MIS18BP1: variants seen among roughly 807,000 people sequenced by gnomAD.
MIS18BP1 encodes the protein mis18-binding protein 1.
Under a neutral mutation model 116.1 loss-of-function variants are expected in MIS18BP1, and 72 were observed. That is an observed-to-expected ratio of 0.62 (90% CI 0.51 to 0.75). MIS18BP1 has a LOEUF of 0.75. Ranked by LOEUF, MIS18BP1 falls within the 30% of genes least tolerant of loss-of-function variation. MIS18BP1 has a pLI of 0.00. For synonymous variants in MIS18BP1, 386 were observed against 427.0 expected (o/e 0.90, Z 1.18); for missense variants, 1,363 against 1,303.2 (o/e 1.05, Z -0.71).
At position 45,206,085 on chromosome 14, in the gene MIS18BP1, A is replaced by AT. The variant is rs949583975; in HGVS notation, c.3237dup (p.Leu1080IlefsTer3). ...ATTGGATAAAGAAAAATACTTACTA[A>AT]TTTTTTCTTGATGTTGCCCCAGACA... On this transcript the variant is annotated frameshift_variant, in exon 15 of 17. Transcript: ENST00000310806. LOFTEE classifies it high-confidence loss of function. 1.3e-6 allele frequency: 2 copies of AT among 1,582,918 alleles called. No individual in the cohort carries two copies. The highest frequency in any genetic ancestry group is 3.4e-5 in the Admixed American group (2 of 58,658).
intron 8 of MIS18BP1, among the ~76,000 whole-genome samples, chr14:45,229,503 C>CAAAAAA (rs756276073): frequency 8.9e-6 from 1 of 111,818 alleles, no homozygotes. Flanking sequence ...GACCCTGTCT[C>CAAAAAA]AAAAAAAAAA....
chr14:45,240,604 C>T (rs1305305600), intron 4 of MIS18BP1, among the ~76,000 whole-genome samples: 2 of 151,958 alleles, frequency 1.3e-5, no homozygotes, highest in East Asian at 3.9e-4. Flanking sequence ...AAATGTCTTG[C>T]TATATAAGGG....
intron 11 of MIS18BP1, among the ~76,000 whole-genome samples, chr14:45,218,793 C>G (rs1404172217): frequency 6.6e-6 from 1 of 151,598 alleles, no homozygotes. Context: ...TTTGGCATGA[C>G]CAAATTTTCT....
chr14:45,251,341 G>A (rs1397590806), intron 1 of MIS18BP1, among the ~76,000 whole-genome samples: 2 of 152,022 alleles, frequency 1.3e-5, no homozygotes, highest in Admixed American at 1.3e-4. Flanking sequence ...TTGGCACAAT[G>A]ACAAAAATTA....
chr14:45,242,372 CAA>C lies in MIS18BP1; in HGVS notation c.803_804del (p.Phe268CysfsTer6). On this transcript the variant is annotated frameshift_variant, in exon 4 of 17. Transcript: ENST00000310806. LOFTEE classifies it high-confidence loss of function. ...TCAGCAGAATCAACGCTTTCTAAAA[CAA>C]ACGTGTCCTTTTTGGATTTAGTGGT... is the stretch of plus-strand genomic sequence containing the variant. ...VATTKSKKDTFVLESVDSADE... is the reference protein window; with the variant it reads ...VATTKSKKDTXVLESVDSADE... 1.2e-6 allele frequency: 2 copies of C among 1,614,050 alleles called. No individual in the cohort carries two copies. The highest frequency in any genetic ancestry group is 1.7e-6 in the Non-Finnish European group (2 of 1,179,970).
At chr14:45,211,736 T>C (rs940738189) in intron 13 of MIS18BP1, among the ~76,000 whole-genome samples, 2 of 152,198 alleles carry the variant, frequency 1.3e-5, no homozygotes, top group African/African-American at 4.8e-5. Context: ...TTCTGTTGGA[T>C]AGGGCCATGG....
Position 45,209,445 on chromosome 14 carries a change from A to C in MIS18BP1, c.3152+935T>G, listed in dbSNP as rs180701076. ...GGGACTCAAGCAATCCTTCTACATCAGCCTCCCTAGTAGCTAGGGCCACAG... is the reference window on the plus strand; with the variant it reads ...GGGACTCAAGCAATCCTTCTACATCCGCCTCCCTAGTAGCTAGGGCCACAG... On this transcript the variant is annotated intron_variant, in intron 14 of 16. Transcript: ENST00000310806. 2.9e-3 allele frequency among the ~76,000 whole-genome samples: 434 copies of C among 152,058 alleles called. 5 individuals carry two copies. Among genetic ancestry groups the C allele is most frequent in the Admixed American group, 0.021 (315 of 15,272 alleles).
chr14:45,229,933 CTT>C (rs34547351), intron 8 of MIS18BP1, among the ~76,000 whole-genome samples: 1 of 152,298 alleles, frequency 6.6e-6, no homozygotes, highest in African/African-American at 2.4e-5. Context: ...TGGTAAGTGA[CTT>C]TTTGCTAGCT....
In MIS18BP1 at chr14:45,227,670, G is replaced by C. The variant is rs778474485; in HGVS notation, c.1739C>G (p.Ser580Cys). ...TGTACAATAAAGCCTTACCTGATTAGATAAGTCATCTCCTCCTCCATTTTG... is the reference window on the plus strand; with the variant it reads ...TGTACAATAAAGCCTTACCTGATTACATAAGTCATCTCCTCCTCCATTTTG... ...TIQNGGGDDL[S>C]NQELIGKKEY... The change falls in exon 9 of 17, where the codon TCT becomes TGT. Residue 580 changes from serine to cysteine, a missense_variant. Physicochemically the swap from Ser to Cys is moderately radical, Grantham distance 112 (BLOSUM62 -1). Transcript: ENST00000310806. 5.6e-6 allele frequency: 9 copies of C among 1,612,058 alleles called. No individual in the cohort carries two copies. In the African/African-American group the frequency reaches 1.1e-4, roughly 19 times the overall value.
intron 11 of MIS18BP1, among the ~76,000 whole-genome samples, chr14:45,223,446 G>A (rs183743487): frequency 0.011 from 1,682 of 152,204 alleles, 101 homozygotes; most frequent in Admixed American, 0.1. Flanking sequence ...GCGTGGCAGC[G>A]TGCGCCTGTA....
At chr14:45,237,810 G>C in intron 4 of MIS18BP1, 89 bp from the exon 5 acceptor site, 3 of 1,471,352 alleles carry the variant, frequency 2.0e-6, no homozygotes, top group Non-Finnish European at 2.7e-6. Flanking sequence ...GAAAAAACTT[G>C]TCTAAGTAAT....
intron 2 of MIS18BP1, among the ~76,000 whole-genome samples, chr14:45,245,072 GCTGT>G (rs112191206): frequency 0.011 from 1,626 of 152,234 alleles, 31 homozygotes; most frequent in African/African-American, 0.027. Flanking sequence ...CTCAAAAAGA[GCTGT>G]CTATGTTCAC....
Position 45,210,231 on chromosome 14 carries a change from T to C in MIS18BP1, c.3152+149A>G, listed in dbSNP as rs953477897. The C allele has an allele frequency of 8.0e-6, 6 of 753,506 alleles. No individual in the cohort carries two copies. The African/African-American group carries it at 8.9e-5, about 11-fold the overall frequency. The allele number at this position is 753,506 out of a possible 1,614,324, so 46.7% of individuals were successfully genotyped here. On this transcript the variant is annotated intron_variant, in intron 14 of 16. Transcript: ENST00000310806. Reference sequence around the variant, plus strand: ...ATAGCACCCCGATTTGATGAACTTGTCCATCCTTAACTTCTAGAAACTACA... The same window carrying C: ...ATAGCACCCCGATTTGATGAACTTGCCCATCCTTAACTTCTAGAAACTACA...
chr14:45,220,089 C>A (rs1340506017), intron 11 of MIS18BP1, among the ~76,000 whole-genome samples: 1 of 145,892 alleles, frequency 6.9e-6, no homozygotes, highest in Admixed American at 6.7e-5. Context: ...TTCTAGCTTT[C>A]TTTATTTACC....
intron 14 of MIS18BP1, among the ~76,000 whole-genome samples, chr14:45,207,905 C>T (rs976983641): frequency 3.3e-5 from 5 of 152,108 alleles, no homozygotes; most frequent in African/African-American, 9.7e-5. Flanking sequence ...GTGAATCTAT[C>T]GTGTTTCTTT....
At chr14:45,248,259 G>T (rs1264891529) in intron 1 of MIS18BP1, among the ~76,000 whole-genome samples, 1 of 151,732 alleles carries the variant, frequency 6.6e-6, no homozygotes, top group East Asian at 1.9e-4. Flanking sequence ...TAGAGACAGG[G>T]TTTCTCCATG....
intron 7 of MIS18BP1, among the ~76,000 whole-genome samples, chr14:45,232,267 A>T (rs1891300560): frequency 6.6e-6 from 1 of 151,894 alleles, no homozygotes; most frequent in Non-Finnish European, 1.5e-5. Context: ...ATACAAAAAA[A>T]TTAGCCAGGT....
intron 14 of MIS18BP1, among the ~76,000 whole-genome samples, chr14:45,207,205 T>C (rs1451383481): frequency 6.6e-6 from 1 of 152,146 alleles, no homozygotes; most frequent in Non-Finnish European, 1.5e-5. Flanking sequence ...ATTTCCATAC[T>C]CTCTCTTGGC....
Position 45,224,318 on chromosome 14 carries a change from G to A in MIS18BP1, c.2269C>T (p.Gln757Ter), listed in dbSNP as rs1891060923. Reference protein sequence around the residue: ...LLPKLKKIENQVAMSFYKHQS... With the variant: ...LLPKLKKIEN Reference sequence around the variant, plus strand: ...TGCTTATAAAATGACATAGCTACCTGATTTTCTATTTTCTTCAATTTTGGT... The same window carrying A: ...TGCTTATAAAATGACATAGCTACCTAATTTTCTATTTTCTTCAATTTTGGT... Residue 757 changes from glutamine (Q) to a stop codon, truncating the protein, a stop_gained, in exon 11 of 17, where the codon CAG becomes TAG. Coordinates refer to ENST00000310806, the MANE Select transcript of MIS18BP1 (RefSeq NM_018353.5). LOFTEE classifies it high-confidence loss of function. 1.2e-6 allele frequency: 2 copies of A among 1,613,810 alleles called. No homozygotes were observed. Among genetic ancestry groups the A allele is most frequent in the Non-Finnish European group, 1.7e-6 (2 of 1,179,940 alleles).
Sources: gnomAD v4.1 joint callset for allele counts (sites outside exome capture counted in the v4.1 genomes callset) on GRCh38, gnomAD v4.1.1 for gene constraint, MANE v1.5 for transcripts, NCBI Gene and HGNC (gene_info 2026-07-23, HGNC 2026-07-21) for gene names.